EIF2AK1: variants seen among roughly 807,000 people sequenced by gnomAD.
The protein encoded by EIF2AK1 is eukaryotic translation initiation factor 2-alpha kinase 1.
EIF2AK1 carries 54 observed loss-of-function variants against 77.9 expected under a neutral mutation model. The ratio of observed to expected loss-of-function variants is 0.69; its 90% confidence interval spans 0.56 to 0.87. EIF2AK1 has a LOEUF of 0.87. Ranked by LOEUF, EIF2AK1 falls within the 40% of genes least tolerant of loss-of-function variation. The pLI is 0.00. For missense variants in EIF2AK1, 810 were observed against 768.6 expected (o/e 1.05, Z -0.64); for synonymous variants, 314 against 290.5 (o/e 1.08, Z -0.82).
At position 6,035,936 on chromosome 7, in the gene EIF2AK1, C is replaced by T. The variant is rs1423603407; in HGVS notation, c.1332+1488G>A. 2.6e-6 allele frequency: 4 copies of T among 1,547,580 alleles called. No homozygotes were observed. Among genetic ancestry groups the T allele is most frequent in the Non-Finnish European group, 3.5e-6 (4 of 1,144,982 alleles). On this transcript the variant is annotated intron_variant, in intron 11 of 14. Transcript: ENST00000199389. The surrounding 1 kb of genome is among the most constrained non-coding windows in gnomAD (Gnocchi z 5.5). ...TCCGTCTGCTACTCACTCACGGAGC[C>T]AAAGTCAACGCCCAGGACTACAAGG... is the stretch of plus-strand genomic sequence containing the variant.
chr7:6,037,723 C>G (rs60167042), intron 10 of EIF2AK1, among the ~76,000 whole-genome samples, 199 bp from the exon 11 acceptor site: 2 of 151,968 alleles, frequency 1.3e-5, no homozygotes, highest in Admixed American at 6.6e-5. Flanking sequence ...GAAACCATCA[C>G]AAACCAGCAC....
At position 6,035,638 on chromosome 7, in the gene EIF2AK1, C is replaced by T; in HGVS notation, c.1332+1786G>A. 2.6e-6 allele frequency: 4 copies of T among 1,550,704 alleles called. No individual in the cohort carries two copies. Among genetic ancestry groups the T allele is most frequent in the Non-Finnish European group, 3.5e-6 (4 of 1,147,060 alleles). On this transcript the variant is annotated intron_variant, in intron 11 of 14. Transcript: ENST00000199389. The surrounding 1 kb of genome is among the most constrained non-coding windows in gnomAD (Gnocchi z 5.5). ...CAAGGGGAAATCAGCAACAAACGTT[C>T]ACCACTCCACCTGGCCATAGCATAT...
chr7:6,053,684 T>TTGG (rs1788671809), intron 2 of EIF2AK1, among the ~76,000 whole-genome samples: 1 of 143,432 alleles, frequency 7.0e-6, no homozygotes. Flanking sequence ...TTTTTTTTTT[T>TTGG]GAGATGGACT....
intron 6 of EIF2AK1, 75 bp downstream of exon 6, chr7:6,045,996 C>T: frequency 1.0e-6 from 1 of 968,172 alleles, no homozygotes; most frequent in East Asian, 2.9e-5. Flanking sequence ...CAAATATACA[C>T]ATATACATGT....
chr7:6,039,267 C>T (rs1443707344), intron 9 of EIF2AK1, among the ~76,000 whole-genome samples: 11 of 152,002 alleles, frequency 7.2e-5, no homozygotes, highest in Admixed American at 7.2e-4. Flanking sequence ...GATTAAAAGT[C>T]CCCCAAACTC....
chr7:6,045,752 T>TATATAA (rs1270534755), intron 6 of EIF2AK1, among the ~76,000 whole-genome samples: 6 of 148,444 alleles, frequency 4.0e-5, no homozygotes, highest in African/African-American at 1.5e-4. Flanking sequence ...TATATATATA[T>TATATAA]AAATTAGCCA....
intron 9 of EIF2AK1, among the ~76,000 whole-genome samples, chr7:6,039,374 C>G (rs746936934): frequency 6.6e-5 from 10 of 152,030 alleles, no homozygotes; most frequent in African/African-American, 2.4e-4. Context: ...GTAATCCCAG[C>G]ATCTTGGAAG....
At chr7:6,041,518 G>A (rs1483472546) in intron 8 of EIF2AK1, among the ~76,000 whole-genome samples, 9 of 148,696 alleles carry the variant, frequency 6.1e-5, no homozygotes, top group African/African-American at 2.2e-4. Context: ...CAGCCTGGGC[G>A]ACAAAGTGAG....
chr7:6,028,413 A>T (rs542786282), intron 13 of EIF2AK1, among the ~76,000 whole-genome samples: 11 of 152,278 alleles, frequency 7.2e-5, no homozygotes, highest in African/African-American at 2.6e-4. Flanking sequence ...CATCGCACCC[A>T]GATAATTTTT....
At chr7:6,034,584 C>T (rs899734654) in intron 11 of EIF2AK1, among the ~76,000 whole-genome samples, 1 of 152,182 alleles carries the variant, frequency 6.6e-6, no homozygotes, top group African/African-American at 2.4e-5. Flanking sequence ...CACTGTTTCA[C>T]GTCTATCTTC....
intron 11 of EIF2AK1, 35 bp downstream of exon 11, chr7:6,037,389 C>T: frequency 7.2e-7 from 1 of 1,389,834 alleles, no homozygotes; most frequent in African/African-American, 1.4e-5. Flanking sequence ...TACAAAGCTC[C>T]CACTGCTTTC....
At position 6,035,493 on chromosome 7, in the gene EIF2AK1, G is replaced by C. The variant is rs1302708710; in HGVS notation, c.1332+1931C>G. ...CAACTTAATGCTACTGCACTGGCCA[G>C]TCACTTCCACCACGTGGGCAAAACC... On this transcript the variant is annotated intron_variant, in intron 11 of 14. Transcript: ENST00000199389. This position sits in a 1 kb window ranked among gnomAD's most constrained non-coding sequence, Gnocchi z 5.5. The C allele has an allele frequency of 5.8e-6, 9 of 1,551,072 alleles. No homozygotes were observed. The highest frequency in any genetic ancestry group is 7.8e-6 in the Non-Finnish European group (9 of 1,147,110).
chr7:6,046,277 T>A (rs2128890413), intron 5 of EIF2AK1, 126 bp from the exon 6 acceptor site: 2 of 493,652 alleles, frequency 4.1e-6, no homozygotes, highest in Middle Eastern at 3.4e-4. Flanking sequence ...TAAAGACATG[T>A]CTCCTTACTA....
Position 6,026,450 on chromosome 7 carries a change from G to A in EIF2AK1, c.1764+278C>T, listed in dbSNP as rs1446014291. ...AGTTTCCTACCGGCCTTCGCTGTGG[G>A]GTTGGCCCCCAGCCCTCCGCTCCTC... On this transcript the variant is annotated intron_variant, in intron 14 of 14. Coordinates refer to ENST00000199389, the MANE Select transcript of EIF2AK1 (RefSeq NM_014413.4). The A allele has an allele frequency of 8.2e-6, 5 of 607,850 alleles. No individual in the cohort carries two copies. In the Admixed American group the frequency reaches 1.1e-4, roughly 13 times the overall value. The allele number at this position is 607,850 out of a possible 1,614,324, so 37.7% of individuals were successfully genotyped here.
chr7:6,036,882 A>G lies in EIF2AK1; in HGVS notation c.1332+542T>C, dbSNP rs775358582. Among the ~76,000 whole-genome samples, 8 of 152,128 alleles carry G rather than the reference A, an allele frequency of 5.3e-5. No individual in the cohort carries two copies. The highest frequency in any genetic ancestry group is 1.2e-4 in the Non-Finnish European group (8 of 68,028). On this transcript the variant is annotated intron_variant, in intron 11 of 14. Coordinates refer to ENST00000199389, the MANE Select transcript of EIF2AK1 (RefSeq NM_014413.4). The surrounding 1 kb of genome is among the most constrained non-coding windows in gnomAD (Gnocchi z 4.6). Reference sequence around the variant, plus strand: ...GCAGTACTCAGAGCACCTGAAAAAAAGTACTTATACTCCACAGAGGATTTT... The same window carrying G: ...GCAGTACTCAGAGCACCTGAAAAAAGGTACTTATACTCCACAGAGGATTTT...
rs1187584829 is a variant in EIF2AK1, at chr7:6,023,127, A to C, written c.*1546T>G. The C allele has an allele frequency of 1.4e-6, 1 of 714,634 alleles. No individual in the cohort carries two copies. Among genetic ancestry groups the C allele is most frequent in the African/African-American group, 1.8e-5 (1 of 55,986 alleles). The allele number at this position is 714,634 out of a possible 1,614,324, so 44.3% of individuals were successfully genotyped here. A position where few individuals can be genotyped will look rare whatever the true frequency, so the allele number is the denominator to read the frequency against. On this transcript the variant is annotated 3_prime_UTR_variant, in exon 15 of 15. Transcript: ENST00000199389. ...CTTTTTTAACATAGTTTGCACTTAAACCCTTTTCAGTAGTAAGCATCTTAG... is the reference window on the plus strand; with the variant it reads ...CTTTTTTAACATAGTTTGCACTTAACCCCTTTTCAGTAGTAAGCATCTTAG...
At chr7:6,034,121 G>T (rs916084103) in intron 11 of EIF2AK1, among the ~76,000 whole-genome samples, 6 of 151,348 alleles carry the variant, frequency 4.0e-5, no homozygotes, top group Admixed American at 3.3e-4. Flanking sequence ...TTCGAGACCA[G>T]CCTGGTGAAA....
At position 6,047,086 on chromosome 7, in the gene EIF2AK1, C is replaced by T. The variant is rs1236701579; in HGVS notation, c.455G>A (p.Arg152Lys). 3.7e-6 allele frequency: 6 copies of T among 1,612,354 alleles called. No homozygotes were observed. Among genetic ancestry groups the T allele is most frequent in the Admixed American group, 1.7e-5 (1 of 59,780 alleles). Residue 152 changes from arginine (R) to lysine (K), a missense_variant, in exon 5 of 15, where the codon AGG (arginine) becomes AAG (lysine). Arg to Lys is a conservative substitution (Grantham distance 26, BLOSUM62 2). Coordinates refer to ENST00000199389, the MANE Select transcript of EIF2AK1 (RefSeq NM_014413.4). ...AGTTTGTGCTTCCAAGGCTACTTCC[C>T]TTGATCTGAAAGTTAAATACAAACA... ...DISRIQKIRS[R>K]EVALEAQTSR...
chr7:6,057,860 C>A (rs749088845), intron 1 of EIF2AK1, among the ~76,000 whole-genome samples: 2 of 152,108 alleles, frequency 1.3e-5, no homozygotes, highest in Non-Finnish European at 2.9e-5. Flanking sequence ...GAACTCCTGA[C>A]CTCAGGTGAT....
Sources: allele counts gnomAD v4.1 joint callset (sites outside exome capture counted in the v4.1 genomes callset), GRCh38; gene constraint gnomAD v4.1.1; non-coding constraint Gnocchi (gnomAD v3.1); transcripts MANE v1.5; gene names NCBI Gene and HGNC (gene_info 2026-07-23, HGNC 2026-07-21).